MOV10L1: variants seen among roughly 807,000 people sequenced by gnomAD.
The protein encoded by MOV10L1 is Mov10 like RNA helicase 1, also known as RNA helicase Mov10l1.
In MOV10L1, 110 loss-of-function variants were observed where a neutral mutation model predicts 143.8. The ratio of observed to expected loss-of-function variants is 0.76; its 90% CI spans 0.66 to 0.90. The LOEUF is 0.90. Among genes scored for constraint, MOV10L1 ranks in the 40% least tolerant of loss-of-function variants. MOV10L1 has a pLI of 0.00. For synonymous variants in MOV10L1, 593 were observed against 581.1 expected (o/e 1.02, Z -0.29); for missense variants, 1,406 against 1,526.8 (o/e 0.92, Z 1.32).
chr22:50,113,729 G>A lies in MOV10L1; in HGVS notation c.825G>A (p.Gln275=). The A allele has an allele frequency of 6.2e-7, 1 of 1,614,092 alleles. No individual in the cohort carries two copies. The highest frequency in any genetic ancestry group is 8.5e-7 in the Non-Finnish European group (1 of 1,180,008). Residue 275 remains glutamine, a synonymous_variant, in exon 6 of 27, where the codon CAG becomes CAA. Coordinates refer to ENST00000262794, the MANE Select transcript of MOV10L1 (RefSeq NM_018995.3). ...ACAAAGGTGATATTGAAGTTACACA[G>A]GTGACGCATTTTGGAACCCTAAAGG... ...LKNKGDIEVT[Q]VTHFGTLKEG... is the part of the protein sequence containing the mutation.
At chr22:50,160,606 A>G (rs772422912) in intron 24 of MOV10L1, 82 bp from the exon 25 acceptor site, 11 of 1,488,226 alleles carry the variant, frequency 7.4e-6, no homozygotes, top group Non-Finnish European at 1.0e-5. Flanking sequence ...ACATTTTTAA[A>G]TGTTTTTATA....
At chr22:50,154,278 G>T (rs1449728500) in intron 22 of MOV10L1, among the ~76,000 whole-genome samples, 1 of 152,166 alleles carries the variant, frequency 6.6e-6, no homozygotes, top group Non-Finnish European at 1.5e-5. Context: ...CACATTAGTG[G>T]CCAGGCACAG....
chr22:50,108,252 G>A lies in MOV10L1; in HGVS notation c.555+4G>A, dbSNP rs1602162305. The A allele has an allele frequency of 6.2e-7, 1 of 1,609,754 alleles. No homozygotes were observed. ...GAGATACAAGCGCGTGGACAAGGTAGCGTGCCGACTAGTGGCTCCTCTCTG... is the reference window on the plus strand; with the variant it reads ...GAGATACAAGCGCGTGGACAAGGTAACGTGCCGACTAGTGGCTCCTCTCTG... On this transcript the variant is annotated splice_donor_region_variant and intron_variant, in intron 4 of 26. Transcript: ENST00000262794.
At position 50,153,225 on chromosome 22, in the gene MOV10L1, T is replaced by A; in HGVS notation, c.3066+7T>A. On this transcript the variant is annotated splice_region_variant and intron_variant, in intron 22 of 26. Coordinates refer to ENST00000262794, the MANE Select transcript of MOV10L1 (RefSeq NM_018995.3). ...CATCTTCCATGGTGTGCGGGTGAGT[T>A]GTGTCTTGAATCCGTAGGTGACCGT... The A allele has an allele frequency of 6.2e-7, 1 of 1,609,588 alleles. No individual in the cohort carries two copies. Among genetic ancestry groups the A allele is most frequent in the South Asian group, 1.1e-5 (1 of 90,888 alleles).
intron 13 of MOV10L1, among the ~76,000 whole-genome samples, chr22:50,133,037 A>G (rs1412968521): frequency 7.0e-6 from 1 of 142,984 alleles, no homozygotes; most frequent in Non-Finnish European, 1.6e-5. Context: ...TCCGTCTGAA[A>G]AAAAAAAAAC....
chr22:50,145,468 G>A (rs989055283), intron 18 of MOV10L1, among the ~76,000 whole-genome samples: 4 of 152,148 alleles, frequency 2.6e-5, no homozygotes, highest in Non-Finnish European at 5.9e-5. Flanking sequence ...AATGTACAAA[G>A]TTGTTTTGGG....
Position 50,115,954 on chromosome 22 carries a change from C to T in MOV10L1, c.1259+708C>T, listed in dbSNP as rs377309052. 1.2e-4 allele frequency among the ~76,000 whole-genome samples: 19 copies of T among 152,296 alleles called. No individual in the cohort carries two copies. In the South Asian group the frequency reaches 1.9e-3, roughly 15 times the overall value. ...TGGGATGCCAGACGCCAACCTTGAGCCCTTCGCTCTCCCTGGTGTGGTTGG... is the reference window on the plus strand; with the variant it reads ...TGGGATGCCAGACGCCAACCTTGAGTCCTTCGCTCTCCCTGGTGTGGTTGG... On this transcript the variant is annotated intron_variant, in intron 8 of 26. Coordinates refer to ENST00000262794, the MANE Select transcript of MOV10L1 (RefSeq NM_018995.3).
At chr22:50,143,341 A>G in intron 17 of MOV10L1, 120 bp downstream of exon 17, 1 of 1,116,608 alleles carries the variant, frequency 9.0e-7, no homozygotes, top group South Asian at 1.2e-5. Flanking sequence ...CTTGAGAAAT[A>G]CCAGTTATTT....
intron 13 of MOV10L1, among the ~76,000 whole-genome samples, chr22:50,129,245 A>G (rs889271486): frequency 6.6e-6 from 1 of 152,186 alleles, no homozygotes; most frequent in African/African-American, 2.4e-5. Context: ...GTCAGCTACC[A>G]GCTCCTTACT....
rs139935120 is a variant in MOV10L1 at position 50,145,704 on chromosome 22, G to A, written c.2521G>A (p.Val841Ile). 90 of 1,614,044 alleles carry A rather than the reference G, an allele frequency of 5.6e-5. No homozygotes were observed. Among genetic ancestry groups the A allele is most frequent in the East Asian group, 3.1e-4 (14 of 44,890 alleles). ...TTGCCCCCAGATAGTTATTGACGCC[G>A]TCAAACCGTATTGCAGAGACGGAGA... Reference protein sequence around the residue: ...CRFEEIVIDAVKPYCRDGEDI... With the variant: ...CRFEEIVIDAIKPYCRDGEDI... The change falls in exon 19 of 27, where the codon GTC becomes ATC. Residue 841 changes from valine (V) to isoleucine (I), a missense_variant. Around this residue, in one of 3 missense-constraint regions of MOV10L1, gnomAD observed 1,233 missense variants for 1,351.4 expected, o/e 0.91. Coordinates refer to ENST00000262794, the MANE Select transcript of MOV10L1 (RefSeq NM_018995.3).
In MOV10L1 at chr22:50,115,703, C is replaced by T. The variant is rs908859364; in HGVS notation, c.1259+457C>T. Among the ~76,000 whole-genome samples, 6 of 152,360 alleles carry T rather than the reference C, an allele frequency of 3.9e-5. No homozygotes were observed. In the South Asian group the frequency reaches 1.2e-3, roughly 32 times the overall value. The stretch of plus-strand genomic sequence containing the variant: ...TGAGGGTCCTCACCAGATGGCCTCT[C>T]ACCCTCACAAAGAAAACAGGGTGTC... On this transcript the variant is annotated intron_variant, in intron 8 of 26. Transcript: ENST00000262794.
intron 2 of MOV10L1, chr22:50,095,001 C>G (rs940756787): frequency 6.6e-6 from 1 of 152,178 alleles, no homozygotes; most frequent in East Asian, 1.9e-4. Context: ...GGCGGGAGTT[C>G]GAGACCAGCC....
chr22:50,148,595 C>T (rs1281419617), intron 19 of MOV10L1, among the ~76,000 whole-genome samples: 1 of 152,194 alleles, frequency 6.6e-6, no homozygotes, highest in African/African-American at 2.4e-5. Context: ...TAGCTGGGAA[C>T]CTCACTGAGT....
chr22:50,092,025 G>A lies in MOV10L1; in HGVS notation c.122G>A (p.Arg41Gln), dbSNP rs146070249. 2.0e-5 allele frequency: 32 copies of A among 1,613,856 alleles called. No homozygotes were observed. Among genetic ancestry groups the A allele is most frequent in the African/African-American group, 2.7e-5 (2 of 74,920 alleles). The change falls in exon 2 of 27, where the codon CGG becomes CAG. Residue 41 changes from arginine (R) to glutamine (Q), a missense_variant. Physicochemically the swap from Arg to Gln is conservative, Grantham distance 43 (BLOSUM62 1). Transcript: ENST00000262794. ...AEGDTKLKTV[R>Q]GVVTRYCSDY... Reference sequence around the variant, plus strand: ...GGTGACACTAAGCTGAAAACTGTACGGGGTGTCGTGACAAGGTACTGCAGC... The same window carrying A: ...GGTGACACTAAGCTGAAAACTGTACAGGGTGTCGTGACAAGGTACTGCAGC...
At chr22:50,118,429 G>T (rs1407440351) in intron 9 of MOV10L1, among the ~76,000 whole-genome samples, 1 of 152,168 alleles carries the variant, frequency 6.6e-6, no homozygotes, top group Non-Finnish European at 1.5e-5. Flanking sequence ...TGATCCCTGG[G>T]CATATTATTA....
At chr22:50,114,341 G>T in intron 6 of MOV10L1, 40 bp from the exon 7 acceptor site, 1 of 1,598,544 alleles carries the variant, frequency 6.3e-7, no homozygotes, top group East Asian at 2.2e-5. Flanking sequence ...TTTGGTTTTA[G>T]AAATCCTGGC....
At chr22:50,125,321 G>C (rs1180734278) in intron 10 of MOV10L1, 71 bp from the exon 11 acceptor site, 3 of 1,481,556 alleles carry the variant, frequency 2.0e-6, no homozygotes, top group Admixed American at 3.5e-5. Flanking sequence ...GAACTTTCCT[G>C]CTCCGGAGCT....
rs139290840 is a variant in MOV10L1, at chr22:50,153,829, T to C, written c.3066+611T>C. Among the ~76,000 whole-genome samples the C allele has an allele frequency of 3.5e-3, 530 of 152,356 alleles. 4 individuals are homozygous for C. Among genetic ancestry groups the C allele is most frequent in the Middle Eastern group, 0.024 (7 of 294 alleles). On this transcript the variant is annotated intron_variant, in intron 22 of 26. Transcript: ENST00000262794. Reference sequence around the variant, plus strand: ...GTTAGAGCAGAAATCAAGTTTTGCATTAACCCCCTGCCCCAGAAGAAGGGG... The same window carrying C: ...GTTAGAGCAGAAATCAAGTTTTGCACTAACCCCCTGCCCCAGAAGAAGGGG...
rs12169319 is a variant in MOV10L1, at chr22:50,099,472, C to T, written c.312C>T (p.Asp104=). 49,383 of 1,613,970 alleles carry T rather than the reference C, an allele frequency of 0.031. 1,004 individuals are homozygous for T. The highest frequency in any genetic ancestry group is 0.085 in the African/African-American group (6,363 of 74,990). ...AAGCTGTCTCTGATAAGTGGGAAGA[C>T]GACAGCAGAAACCATGGGAGTCCCT... ...RVEAVSDKWE[D]DSRNHGSPSD... is the part of the protein sequence containing the mutation. Residue 104 remains aspartate, a synonymous_variant, in exon 3 of 27, where the codon GAC becomes GAT. Transcript: ENST00000262794.
Sources: gnomAD v4.1 joint callset for allele counts (sites outside exome capture counted in the v4.1 genomes callset) on GRCh38, gnomAD v4.1.1 for gene constraint, gnomAD v4.1.1 regional missense constraint, MANE v1.5 for transcripts, NCBI Gene and HGNC (gene_info 2026-07-23, HGNC 2026-07-21) for gene names.